Variants in THADA observed in about 807,000 individuals in gnomAD.
THADA encodes the protein tRNA (32-2'-O)-methyltransferase regulator THADA.
In THADA, 213 loss-of-function variants were observed where a neutral mutation model predicts 219.8. The observed-to-expected ratio is 0.97, with a 90% CI of 0.87 to 1.09. THADA has a LOEUF of 1.09. THADA is among the 50% of genes least tolerant of loss of function. THADA has a pLI of 0.00. For synonymous variants in THADA, 1,018 were observed against 828.9 expected (o/e 1.23, Z -3.92); for missense variants, 2,956 against 2,311.3 (o/e 1.28, Z -5.72).
At chr2:43,542,386 G>C (rs556642186) in intron 20 of THADA, among the ~76,000 whole-genome samples, 1 of 152,242 alleles carries the variant, frequency 6.6e-6, no homozygotes, top group Non-Finnish European at 1.5e-5. Context: ...TATTACAATA[G>C]GCTATAATTA....
chr2:43,564,880 G>C (rs549290048), intron 15 of THADA: 2 of 152,108 alleles, frequency 1.3e-5, no homozygotes, highest in Non-Finnish European at 2.9e-5. Flanking sequence ...CATAAAATTA[G>C]AAACTTTCCA....
Position 43,397,961 on chromosome 2 carries a change from CT to C in THADA, c.4227+9del. ...GTTTGACAGAAGTCACACAAAGCAACTTTACTTACCTGGAGAAGTGTCCCAT... is the reference window on the plus strand; with the variant it reads ...GTTTGACAGAAGTCACACAAAGCAACTTACTTACCTGGAGAAGTGTCCCAT... On this transcript the variant is annotated intron_variant, in intron 29 of 37. Transcript: ENST00000405975. 1 of 1,613,528 alleles carries C rather than the reference CT, an allele frequency of 6.2e-7. No homozygotes were observed. The highest frequency in any genetic ancestry group is 8.5e-7 in the Non-Finnish European group (1 of 1,179,564).
rs765089024 is a variant in THADA at position 43,552,229 on chromosome 2, C to T, written c.2785G>A (p.Gly929Arg). The change falls in exon 18 of 38, where the codon GGA becomes AGA. Residue 929 changes from glycine to arginine, a missense_variant. Physicochemically the swap from Gly to Arg is moderately radical, Grantham distance 125. Transcript: ENST00000405975. ...PMYGRVHCIT[G>R]ALQKLSLNSL... The stretch of plus-strand genomic sequence containing the variant: ...TTTAGAGATAACTTCTGCAAAGCTC[C>T]TGTTATACAGTGGACTCGCCCATAC... 7.5e-6 allele frequency: 12 copies of T among 1,610,214 alleles called. No homozygotes were observed. The African/African-American group carries it at 1.6e-4, about 22-fold the overall frequency.
chr2:43,280,649 C>CA (rs1042060534), intron 35 of THADA, among the ~76,000 whole-genome samples: 22 of 151,730 alleles, frequency 1.4e-4, no homozygotes, highest in South Asian at 4.2e-4. Context: ...ACCAAAAAAA[C>CA]AAAAAACAAA....
chr2:43,398,106 T>A lies in THADA; in HGVS notation c.4092A>T (p.Glu1364Asp). 1 of 1,613,946 alleles carries A rather than the reference T, an allele frequency of 6.2e-7. No homozygotes were observed. Among genetic ancestry groups the A allele is most frequent in the Non-Finnish European group, 8.5e-7 (1 of 1,179,852 alleles). ...ATGGGACCAAGGCACGAGCTGCCATTTCACGGGAGTGGTAGACAGGTGAGT... is the reference window on the plus strand; with the variant it reads ...ATGGGACCAAGGCACGAGCTGCCATATCACGGGAGTGGTAGACAGGTGAGT... ...CGHSPVYHSR[E>D]MAARALVPFV... The change falls in exon 29 of 38, where the codon GAA (glutamate) becomes GAT (aspartate). Residue 1364 changes from glutamate (E) to aspartate (D), a missense_variant. Physicochemically the swap from Glu to Asp is conservative, Grantham distance 45 (BLOSUM62 2). Coordinates refer to ENST00000405975, the MANE Select transcript of THADA (RefSeq NM_022065.5).
At chr2:43,276,040 C>A (rs1257538716) in intron 36 of THADA, among the ~76,000 whole-genome samples, 1 of 152,224 alleles carries the variant, frequency 6.6e-6, no homozygotes, top group African/African-American at 2.4e-5. Flanking sequence ...AGCATTAGAG[C>A]TCTTTCCTGA....
At chr2:43,534,441 G>A (rs199626991) in intron 21 of THADA, among the ~76,000 whole-genome samples, 92 of 152,248 alleles carry the variant, frequency 6.0e-4, no homozygotes, top group African/African-American at 1.9e-3. Flanking sequence ...CTATGTAGCT[G>A]TAATTTGGTA....
At chr2:43,278,916 T>C (rs1434671103) in intron 36 of THADA, among the ~76,000 whole-genome samples, 3 of 152,200 alleles carry the variant, frequency 2.0e-5, no homozygotes, top group Non-Finnish European at 4.4e-5. Context: ...CTTTGATCCC[T>C]TGCCTCAAAA....
intron 36 of THADA, among the ~76,000 whole-genome samples, chr2:43,256,536 G>T: frequency 1.3e-5 from 2 of 149,874 alleles, no homozygotes; most frequent in Non-Finnish European, 1.5e-5. Flanking sequence ...CTCAGCCTCC[G>T]AAGTAGCTGG....
intron 22 of THADA, 77 bp from the exon 23 acceptor site, chr2:43,508,857 C>G (rs1690030514): frequency 7.2e-7 from 1 of 1,394,388 alleles, no homozygotes; most frequent in African/African-American, 1.4e-5. Flanking sequence ...CACATTTACA[C>G]TGTTAGTAAA....
chr2:43,417,838 G>C (rs766535812), intron 28 of THADA, among the ~76,000 whole-genome samples: 2 of 152,186 alleles, frequency 1.3e-5, no homozygotes, highest in Non-Finnish European at 2.9e-5. Context: ...GACACATTTA[G>C]AAAGTTCCTA....
At chr2:43,250,551 C>T (rs1317637980) in intron 36 of THADA, among the ~76,000 whole-genome samples, 1 of 151,932 alleles carries the variant, frequency 6.6e-6, no homozygotes, top group African/African-American at 2.4e-5. Flanking sequence ...TTTATTTCAT[C>T]TCAATAATAT....
chr2:43,263,735 C>A (rs187310318), intron 36 of THADA, among the ~76,000 whole-genome samples: 1 of 152,128 alleles, frequency 6.6e-6, no homozygotes, highest in Non-Finnish European at 1.5e-5. Context: ...CACTATAATA[C>A]TTATTTATTT....
At chr2:43,515,299 A>C (rs189488059) in intron 22 of THADA, among the ~76,000 whole-genome samples, 1 of 8,786 alleles carries the variant, frequency 1.1e-4, no homozygotes, top group African/African-American at 4.2e-4. Context: ...ATAATATATA[A>C]TATGTAATAT....
chr2:43,391,192 C>T (rs1673340179), intron 29 of THADA, among the ~76,000 whole-genome samples: 1 of 152,054 alleles, frequency 6.6e-6, no homozygotes, highest in Non-Finnish European at 1.5e-5. Context: ...CTATCTCTCA[C>T]TGAAAAAAAT....
chr2:43,480,620 C>A (rs376007594), intron 26 of THADA, among the ~76,000 whole-genome samples: 1 of 151,722 alleles, frequency 6.6e-6, no homozygotes, highest in African/African-American at 2.4e-5. Flanking sequence ...ACTAATCTGG[C>A]CAATGTAGTG....
At chr2:43,513,491 G>C (rs1259064336) in intron 22 of THADA, among the ~76,000 whole-genome samples, 1 of 152,162 alleles carries the variant, frequency 6.6e-6, no homozygotes, top group Non-Finnish European at 1.5e-5. Context: ...CTTTTGAGAA[G>C]AACCTGAAAA....
intron 26 of THADA, among the ~76,000 whole-genome samples, chr2:43,455,354 G>C (rs1682855985): frequency 6.6e-6 from 1 of 151,382 alleles, no homozygotes; most frequent in African/African-American, 2.4e-5. Context: ...CAGTATACCT[G>C]CTTCTACGGA....
chr2:43,384,475 T>G (rs1307343652), intron 29 of THADA, among the ~76,000 whole-genome samples: 1 of 152,240 alleles, frequency 6.6e-6, no homozygotes, highest in East Asian at 1.9e-4. Flanking sequence ...GAGTTTCCTT[T>G]GAAGAACATC....
Sources: gnomAD v4.1 joint callset for allele counts (sites outside exome capture counted in the v4.1 genomes callset) on GRCh38, gnomAD v4.1.1 for gene constraint, MANE v1.5 for transcripts, NCBI Gene and HGNC (gene_info 2026-07-23, HGNC 2026-07-21) for gene names.